Variants in TNKS2 observed in about 807,000 individuals in gnomAD.
The protein encoded by TNKS2 is poly [ADP-ribose] polymerase tankyrase-2.
Under a neutral mutation model 137.6 loss-of-function variants are expected in TNKS2, and 72 were observed. The ratio of observed to expected loss-of-function variants is 0.52; its 90% confidence interval spans 0.43 to 0.64. The LOEUF (loss-of-function observed/expected upper bound fraction) is 0.64, where lower values mean the gene tolerates loss of function less well. Ranked by LOEUF, TNKS2 falls within the 30% of genes least tolerant of loss-of-function variation. The pLI is 0.00. For missense variants in TNKS2, 1,049 were observed against 1,410.2 expected, an observed-to-expected ratio of 0.74 and a Z score of 4.10; for synonymous variants, 516 against 512.1, an observed-to-expected ratio of 1.01 and a Z score of -0.10.
intron 24 of TNKS2, among the ~76,000 whole-genome samples, chr10:91,858,408 A>G (rs1223351833): frequency 2.6e-5 from 4 of 152,208 alleles, no homozygotes; most frequent in Non-Finnish European, 4.4e-5. Flanking sequence ...TGTAATATAA[A>G]TAATTTTGGT....
At chr10:91,847,668 T>C (rs1772186) in intron 18 of TNKS2, among the ~76,000 whole-genome samples, 21,195 of 152,178 alleles carry the variant, frequency 0.14, 1,571 homozygotes, top group Middle Eastern at 0.19. Flanking sequence ...TCTAGCAGAT[T>C]TGATTAAAAT....
rs1315402315 is a variant in TNKS2, at chr10:91,841,334, A to G, written c.1725A>G (p.Ala575=). 1 of 1,603,768 alleles carries G rather than the reference A, an allele frequency of 6.2e-7. No homozygotes were observed. The highest frequency in any genetic ancestry group is 8.5e-7 in the Non-Finnish European group (1 of 1,175,180). The part of the protein sequence containing the change: ...NACSYGHYEV[A]ELLVKHGAVV... Reference sequence around the variant, plus strand: ...GTTCTTATGGACATTATGAAGTTGCAGAACTTCTTGTTAAACATGGAGCAG... The same window carrying G: ...GTTCTTATGGACATTATGAAGTTGCGGAACTTCTTGTTAAACATGGAGCAG... Residue 575 remains alanine (A), a synonymous_variant, in exon 15 of 27, where the codon GCA becomes GCG. Coordinates refer to ENST00000371627, the MANE Select transcript of TNKS2 (RefSeq NM_025235.4).
intron 6 of TNKS2, 102 bp downstream of exon 6, chr10:91,820,135 A>T: frequency 1.4e-6 from 1 of 738,522 alleles, no homozygotes; most frequent in Non-Finnish European, 2.0e-6. Context: ...AATAACATTA[A>T]TATATATTGA....
chr10:91,819,867 G>A (rs1844828301), intron 5 of TNKS2, 72 bp from the exon 6 acceptor site: 2 of 1,216,826 alleles, frequency 1.6e-6, no homozygotes, highest in African/African-American at 3.1e-5. Context: ...TTTATATTTG[G>A]GTTTTTTCCC....
In TNKS2 at chr10:91,864,407, T is replaced by C. The variant is rs1453201972; in HGVS notation, c.*1408T>C. ...TCCATTATGGCTTGGCAATCTCTTTTATTTGTTGACTCTAGCTCCCTTCAA... is the reference window on the plus strand; with the variant it reads ...TCCATTATGGCTTGGCAATCTCTTTCATTTGTTGACTCTAGCTCCCTTCAA... On this transcript the variant is annotated 3_prime_UTR_variant, in exon 27 of 27. Coordinates refer to ENST00000371627, the MANE Select transcript of TNKS2 (RefSeq NM_025235.4). 6.6e-6 allele frequency: 1 copy of C among 152,596 alleles called. No homozygotes were observed. Among genetic ancestry groups the C allele is most frequent in the East Asian group, 1.9e-4 (1 of 5,204 alleles). The allele number at this position is 152,596 out of a possible 1,614,324, so 9.5% of individuals were successfully genotyped here. A position where few individuals can be genotyped will look rare whatever the true frequency, so the allele number is the denominator to read the frequency against.
chr10:91,861,197 G>T (rs541557598), intron 25 of TNKS2, among the ~76,000 whole-genome samples: 1 of 152,132 alleles, frequency 6.6e-6, no homozygotes, highest in Non-Finnish European at 1.5e-5. Context: ...AATTGAGTGG[G>T]TATCAGCCAG....
intron 1 of TNKS2, chr10:91,807,528 G>T: frequency 8.2e-7 from 1 of 1,223,148 alleles, no homozygotes; most frequent in Non-Finnish European, 1.2e-6. Context: ...CAACCGACGC[G>T]AGTCCTGCAA....
In TNKS2 at chr10:91,863,016, A is replaced by G; in HGVS notation, c.*17A>G. The G allele has an allele frequency of 6.4e-7, 1 of 1,568,604 alleles. No homozygotes were observed. The highest frequency in any genetic ancestry group is 1.1e-5 in the South Asian group (1 of 88,864). On this transcript the variant is annotated 3_prime_UTR_variant, in exon 27 of 27. Coordinates refer to ENST00000371627, the MANE Select transcript of TNKS2 (RefSeq NM_025235.4). ...GATGGATAAATAGTTATTTTAAGAA[A>G]CTAATTCCACTGAACCTAAAATCAT...
At chr10:91,810,768 A>G (rs1262287740) in intron 1 of TNKS2, among the ~76,000 whole-genome samples, 1 of 151,132 alleles carries the variant, frequency 6.6e-6, no homozygotes, top group Non-Finnish European at 1.5e-5. Flanking sequence ...TCGGCCTCCC[A>G]AAGTGCTGGG....
chr10:91,798,705 C>G lies in TNKS2; in HGVS notation c.15C>G (p.Arg5=), dbSNP rs1296323003. 10 of 1,234,404 alleles carry G rather than the reference C, an allele frequency of 8.1e-6. No individual in the cohort carries two copies. The highest frequency in any genetic ancestry group is 8.1e-6 in the Non-Finnish European group (8 of 984,866). 76.5% of individuals were successfully genotyped at this position (1,234,404 alleles called of 1,614,324 possible). A position where few individuals can be genotyped will look rare whatever the true frequency, so the allele number is the denominator to read the frequency against. MSGR[R]CAGGGAACAS... ...CGGCCAGGATCATGTCGGGTCGCCG[C>G]TGCGCCGGCGGGGGAGCGGCCTGCG... The change falls in exon 1 of 27, where the codon CGC becomes CGG. Residue 5 remains arginine (R), a synonymous_variant. Transcript: ENST00000371627.
rs1842665486 is a variant in TNKS2, at chr10:91,855,112, T to C, written c.2899T>C (p.Ser967Pro). 1 of 1,606,110 alleles carries C rather than the reference T, an allele frequency of 6.2e-7. No individual in the cohort carries two copies. The highest frequency in any genetic ancestry group is 8.5e-7 in the Non-Finnish European group (1 of 1,173,196). ...GTCTCCTGATGATAAAGAGTTTCAG[T>C]CTGTGGAGGAAGAGGTATGTTCATA... ...DLSPDDKEFQ[S>P]VEEEMQSTVR... The change falls in exon 22 of 27, where the codon TCT (serine) becomes CCT (proline). Residue 967 changes from serine (S) to proline (P), a missense_variant. This residue lies in a region of TNKS2 where 133 missense variants were observed against 248.4 expected (regional missense o/e 0.54). Coordinates refer to ENST00000371627, the MANE Select transcript of TNKS2 (RefSeq NM_025235.4).
chr10:91,855,527 A>T (rs1842680920), intron 22 of TNKS2, 87 bp from the exon 23 acceptor site: 5 of 1,027,620 alleles, frequency 4.9e-6, no homozygotes, highest in Non-Finnish European at 7.2e-6. Context: ...TCAAAAATAG[A>T]ATCAGACGAG....
intron 3 of TNKS2, among the ~76,000 whole-genome samples, chr10:91,817,941 C>T (rs1463567050): frequency 1.3e-5 from 2 of 152,182 alleles, no homozygotes; most frequent in African/African-American, 4.8e-5. Flanking sequence ...TAGAATCATA[C>T]CTAATCTAAA....
Position 91,851,213 on chromosome 10 carries a change from A to G in TNKS2, c.2695-3A>G, listed in dbSNP as rs780191790. 42 of 1,613,076 alleles carry G rather than the reference A, an allele frequency of 2.6e-5. 1 individual carries two copies. The South Asian group carries it at 4.6e-4, about 18-fold the overall frequency. The stretch of plus-strand genomic sequence containing the variant: ...TCTAAGTAGTTTCCTCCTCTTTTGT[A>G]AGATCACTTTGGATGTATTAGTTGA... On this transcript the variant is annotated splice_region_variant and splice_polypyrimidine_tract_variant and intron_variant, in intron 20 of 26. Coordinates refer to ENST00000371627, the MANE Select transcript of TNKS2 (RefSeq NM_025235.4).
chr10:91,862,806 G>A, intron 26 of TNKS2, 131 bp from the exon 27 acceptor site: 1 of 599,720 alleles, frequency 1.7e-6, no homozygotes, highest in Non-Finnish European at 2.9e-6. Context: ...TTGAGAAAAT[G>A]TCCCTAGATG....
chr10:91,863,077 C>A lies in TNKS2; in HGVS notation c.*78C>A. 9.5e-7 allele frequency: 1 copy of A among 1,047,454 alleles called. No homozygotes were observed. The highest frequency in any genetic ancestry group is 1.4e-6 in the Non-Finnish European group (1 of 702,480). The allele number at this position is 1,047,454 out of a possible 1,614,324, so 64.9% of individuals were successfully genotyped here. On this transcript the variant is annotated 3_prime_UTR_variant, in exon 27 of 27. Transcript: ENST00000371627. ...GTGGCCTCTACGTTTTACTCCTTTGCTGAAAAAAAATCATCTTGCCCACAG... is the reference window on the plus strand; with the variant it reads ...GTGGCCTCTACGTTTTACTCCTTTGATGAAAAAAAATCATCTTGCCCACAG...
chr10:91,808,776 G>C (rs535184235), intron 1 of TNKS2, among the ~76,000 whole-genome samples: 1 of 152,308 alleles, frequency 6.6e-6, no homozygotes, highest in South Asian at 2.1e-4. Flanking sequence ...CATGGGATCA[G>C]ATAAGATTAT....
In TNKS2 at chr10:91,842,324, G is replaced by A. The variant is rs1008399768; in HGVS notation, c.1992G>A (p.Leu664=). 3 of 1,614,126 alleles carry A rather than the reference G, an allele frequency of 1.9e-6. No individual in the cohort carries two copies. The Admixed American group carries it at 5.0e-5, about 27-fold the overall frequency. The change falls in exon 16 of 27, where the codon TTG becomes TTA. Residue 664 remains leucine (L), a synonymous_variant. Coordinates refer to ENST00000371627, the MANE Select transcript of TNKS2 (RefSeq NM_025235.4). ...KKGCLARVKK[L]SSPDNVNCRD... ...GTTGTTTAGCCAGAGTGAAGAAGTT[G>A]TCTTCTCCTGATAATGTAAATTGCC...
At chr10:91,837,854 C>T (rs1279331568) in intron 13 of TNKS2, among the ~76,000 whole-genome samples, 1 of 152,066 alleles carries the variant, frequency 6.6e-6, no homozygotes, top group Non-Finnish European at 1.5e-5. Context: ...TATTATTTGA[C>T]ATGTTTTTAT....
Sources: allele counts gnomAD v4.1 joint callset (sites outside exome capture counted in the v4.1 genomes callset), GRCh38; gene constraint gnomAD v4.1.1; regional missense constraint gnomAD v4.1.1; transcripts MANE v1.5; gene names NCBI Gene and HGNC (gene_info 2026-07-23, HGNC 2026-07-21).